Variants in CDH8 observed in about 807,000 individuals in gnomAD.
The protein encoded by CDH8 is cadherin-8.
A neutral mutation model predicts 68.1 loss-of-function variants in CDH8; 17 were observed. The ratio of observed to expected loss-of-function variants is 0.25; its 90% CI spans 0.17 to 0.37. The LOEUF is 0.37. Among genes scored for constraint, CDH8 ranks in the 10% least tolerant of loss-of-function variants. CDH8 has a pLI of 1.00. For synonymous variants in CDH8, 372 were observed against 365.1 expected, an observed-to-expected ratio of 1.02 and a Z score of -0.21; for missense variants, 763 against 999.3, an observed-to-expected ratio of 0.76 and a Z score of 3.19.
chr16:61,945,290 G>A (rs769234781), intron 2 of CDH8, among the ~76,000 whole-genome samples: 12 of 152,104 alleles, frequency 7.9e-5, no homozygotes, highest in Non-Finnish European at 2.9e-5. Context: ...TTTGTTAATA[G>A]AATTTGCATC....
intron 9 of CDH8, among the ~76,000 whole-genome samples, chr16:61,722,441 CTCT>C (rs1382588576): frequency 2.0e-5 from 3 of 150,796 alleles, no homozygotes; most frequent in Admixed American, 6.6e-5. Context: ...CTCATAAAAT[CTCT>C]TCTTCACTAA....
chr16:61,821,634 G>A (rs1346614864), intron 5 of CDH8, among the ~76,000 whole-genome samples: 1 of 152,032 alleles, frequency 6.6e-6, no homozygotes. Context: ...GTGCCCTGCA[G>A]CAAGCTGTTC....
intron 8 of CDH8, among the ~76,000 whole-genome samples, chr16:61,734,198 CAGAG>C (rs888753633): frequency 6.6e-6 from 1 of 152,066 alleles, no homozygotes; most frequent in Admixed American, 6.6e-5. Flanking sequence ...CAGCACATCA[CAGAG>C]AGAGCTTAAC....
At chr16:61,894,416 T>C (rs1422774603) in intron 3 of CDH8, among the ~76,000 whole-genome samples, 1 of 152,148 alleles carries the variant, frequency 6.6e-6, no homozygotes. Flanking sequence ...GCAGATTATT[T>C]GATGAGGTCT....
At chr16:61,747,141 C>T (rs759464713) in intron 8 of CDH8, among the ~76,000 whole-genome samples, 1 of 152,018 alleles carries the variant, frequency 6.6e-6, no homozygotes, top group Non-Finnish European at 1.5e-5. Flanking sequence ...AATTAGTATC[C>T]ATAAAATCAT....
intron 7 of CDH8, among the ~76,000 whole-genome samples, chr16:61,796,726 A>C (rs947086129): frequency 2.0e-5 from 3 of 152,062 alleles, no homozygotes; most frequent in Non-Finnish European, 2.9e-5. Flanking sequence ...TGATCCTTTT[A>C]CTTTGCGGAA....
At chr16:62,003,914 C>CAAG (rs1567564518) in intron 2 of CDH8, among the ~76,000 whole-genome samples, 1 of 152,122 alleles carries the variant, frequency 6.6e-6, no homozygotes, top group Non-Finnish European at 1.5e-5. Context: ...ATTTCTCCTT[C>CAAG]CACTTAGTAA....
intron 2 of CDH8, among the ~76,000 whole-genome samples, chr16:62,006,644 T>C (rs1360970099): frequency 1.3e-5 from 2 of 152,184 alleles, no homozygotes; most frequent in Non-Finnish European, 2.9e-5. Context: ...CTATTAAAAA[T>C]GTATTTGCTC....
chr16:61,985,558 T>C (rs1476838194), intron 2 of CDH8, among the ~76,000 whole-genome samples: 1 of 152,160 alleles, frequency 6.6e-6, no homozygotes, highest in East Asian at 1.9e-4. Context: ...AATGGCATGA[T>C]CTTGGCTCAC....
At chr16:61,759,252 G>A (rs966569726) in intron 8 of CDH8, among the ~76,000 whole-genome samples, 1 of 152,092 alleles carries the variant, frequency 6.6e-6, no homozygotes, top group African/African-American at 2.4e-5. Flanking sequence ...AAAAAATGCT[G>A]CCAGACTCCC....
intron 3 of CDH8, among the ~76,000 whole-genome samples, chr16:61,895,810 G>T (rs147059629): frequency 1.3e-5 from 2 of 152,242 alleles, no homozygotes; most frequent in Middle Eastern, 3.4e-3. Flanking sequence ...CAAAGGAATG[G>T]TTGTAAAGAA....
chr16:61,937,945 C>A (rs1254333198), intron 2 of CDH8: 4 of 152,032 alleles, frequency 2.6e-5, no homozygotes, highest in African/African-American at 9.7e-5. Context: ...TTAATTACAG[C>A]AGTTAATGTT....
chr16:61,666,410 A>T (rs1051952140), intron 10 of CDH8, among the ~76,000 whole-genome samples: 2 of 152,022 alleles, frequency 1.3e-5, no homozygotes, highest in African/African-American at 4.8e-5. Flanking sequence ...AGAATAAAAC[A>T]GGCAAACCCA....
At chr16:61,807,235 C>G (rs550910449) in intron 7 of CDH8, among the ~76,000 whole-genome samples, 2 of 149,936 alleles carry the variant, frequency 1.3e-5, no homozygotes, top group South Asian at 4.2e-4. Flanking sequence ...AAAAACCAAA[C>G]ATGGCATATT....
intron 4 of CDH8, 133 bp from the exon 5 acceptor site, chr16:61,825,312 G>T (rs1016260487): frequency 6.2e-6 from 4 of 644,958 alleles, no homozygotes; most frequent in South Asian, 2.3e-5. Context: ...GTGTTCTTCT[G>T]ACATTTGATT....
chr16:61,938,493 C>T (rs534469131), intron 2 of CDH8, among the ~76,000 whole-genome samples: 1 of 152,262 alleles, frequency 6.6e-6, no homozygotes, highest in South Asian at 2.1e-4. Context: ...AGAGGCCCTA[C>T]GCCTTGTCCA....
chr16:61,884,287 A>C (rs1227454035), intron 3 of CDH8, among the ~76,000 whole-genome samples: 1 of 151,888 alleles, frequency 6.6e-6, no homozygotes, highest in Admixed American at 6.6e-5. Flanking sequence ...TTCTCAGCCT[A>C]CTCAACATGA....
chr16:61,922,617 G>A (rs1012509697), intron 2 of CDH8, among the ~76,000 whole-genome samples: 3 of 152,002 alleles, frequency 2.0e-5, no homozygotes, highest in Non-Finnish European at 4.4e-5. Flanking sequence ...GTTCTTTTTA[G>A]AGATCTGTTG....
At chr16:61,933,959 G>A (rs1468477362) in intron 2 of CDH8, among the ~76,000 whole-genome samples, 3 of 152,168 alleles carry the variant, frequency 2.0e-5, no homozygotes, top group Non-Finnish European at 4.4e-5. Flanking sequence ...ACCTGCGATT[G>A]TAGTAATAAT....
Sources: gnomAD v4.1 joint callset for allele counts (sites outside exome capture counted in the v4.1 genomes callset) on GRCh38, gnomAD v4.1.1 for gene constraint, MANE v1.5 for transcripts, NCBI Gene and HGNC (gene_info 2026-07-23, HGNC 2026-07-21) for gene names.